HS1BP3: variants seen among roughly 807,000 people sequenced by gnomAD.
The protein encoded by HS1BP3 is HCLS1-binding protein 3.
HS1BP3 carries 32 observed loss-of-function variants against 33.5 expected under a neutral mutation model. The observed-to-expected ratio is 0.95, with a 90% CI of 0.72 to 1.28. HS1BP3 has a LOEUF of 1.28. Ranked by LOEUF, HS1BP3 falls within the 50% of genes most tolerant of loss-of-function variation. The pLI is 0.00. For missense variants in HS1BP3, 486 were observed against 502.3 expected (o/e 0.97, Z 0.31); for synonymous variants, 187 against 209.2 (o/e 0.89, Z 0.92).
chr2:20,596,334 A>G (rs1258296593), intron 3 of HS1BP3, among the ~76,000 whole-genome samples: 1 of 152,226 alleles, frequency 6.6e-6, no homozygotes, highest in African/African-American at 2.4e-5. Context: ...GATTCTATTC[A>G]TCTGCTCAAA....
At chr2:20,650,672 G>C (rs1284705916) in intron 1 of HS1BP3, among the ~76,000 whole-genome samples, 2 of 152,194 alleles carry the variant, frequency 1.3e-5, no homozygotes, top group East Asian at 1.9e-4. Context: ...TGGGACTCAG[G>C]GAGCTCTGAA....
intron 2 of HS1BP3, among the ~76,000 whole-genome samples, chr2:20,641,421 G>A (rs1695346372): frequency 6.6e-6 from 1 of 152,152 alleles, no homozygotes; most frequent in African/African-American, 2.4e-5. Context: ...GTGCCATTCT[G>A]GACACTGTCA....
chr2:20,609,927 A>T (rs563541738), intron 2 of HS1BP3, among the ~76,000 whole-genome samples: 2 of 152,214 alleles, frequency 1.3e-5, no homozygotes, highest in African/African-American at 4.8e-5. Flanking sequence ...GAGCCCAGGT[A>T]CCCTGGGGAC....
chr2:20,635,089 G>A (rs1040412735), intron 4 of HS1BP3: 1 of 152,242 alleles, frequency 6.6e-6, no homozygotes, highest in Admixed American at 6.5e-5. Flanking sequence ...TCCCAACAGA[G>A]GGGCTTCAGC....
At chr2:20,567,208 A>C (rs938732864) in intron 5 of HS1BP3, among the ~76,000 whole-genome samples, 6 of 151,954 alleles carry the variant, frequency 3.9e-5, no homozygotes, top group African/African-American at 1.5e-4. Context: ...CATCCTTAGT[A>C]AGTGGCAGCA....
chr2:20,634,975 T>A (rs549284698), intron 4 of HS1BP3: 70 of 149,086 alleles, frequency 4.7e-4, no homozygotes, highest in African/African-American at 1.6e-3. Context: ...CTGTGAGTCC[T>A]CAGGGACCCA....
the HS1BP3 span, among the ~76,000 whole-genome samples, chr2:20,554,196 T>C: frequency 6.6e-6 from 1 of 152,200 alleles, no homozygotes; most frequent in African/African-American, 2.4e-5. Context: ...CTGTTCGTCA[T>C]ACAACACCCT....
intron 4 of HS1BP3, among the ~76,000 whole-genome samples, chr2:20,628,978 A>G (rs1284109729): frequency 6.6e-6 from 1 of 152,202 alleles, no homozygotes; most frequent in Non-Finnish European, 1.5e-5. Flanking sequence ...CTCATGGTCC[A>G]TAGAAGAAAT....
chr2:20,627,434 A>C (rs1694822322), intron 4 of HS1BP3, among the ~76,000 whole-genome samples: 1 of 152,232 alleles, frequency 6.6e-6, no homozygotes, highest in Non-Finnish European at 1.5e-5. Flanking sequence ...CATCTGAGGA[A>C]CAAGGGAAGC....
At chr2:20,620,571 C>G (rs180871482) in intron 6 of HS1BP3, among the ~76,000 whole-genome samples, 1 of 152,182 alleles carries the variant, frequency 6.6e-6, no homozygotes, top group Admixed American at 6.5e-5. Context: ...CGGAACTGTA[C>G]ACAGAAGCAC....
chr2:20,614,437 G>A (rs1694377057), downstream of HS1BP3, among the ~76,000 whole-genome samples: 1 of 152,238 alleles, frequency 6.6e-6, no homozygotes, highest in Non-Finnish European at 1.5e-5. Flanking sequence ...AGAGAGGGCC[G>A]CATGGAGGAG....
At chr2:20,577,729 G>T (rs985840866) in intron 5 of HS1BP3, among the ~76,000 whole-genome samples, 12 of 152,186 alleles carry the variant, frequency 7.9e-5, no homozygotes, top group Non-Finnish European at 1.8e-4. Context: ...AGCTGGAATT[G>T]CCAGGCCTCT....
Position 20,648,067 on chromosome 2 carries a change from C to T in HS1BP3, c.33-2562G>A, listed in dbSNP as rs370410104. ...GGCTGCTCCTAAGGCCAACCTTCTA[C>T]CAGGGCAGCGGCTCCGAGGCCCTCC... On this transcript the variant is annotated intron_variant, in intron 1 of 6. Transcript: ENST00000304031. 3.9e-5 allele frequency among the ~76,000 whole-genome samples: 6 copies of T among 152,224 alleles called. No homozygotes were observed. The East Asian group carries it at 7.7e-4, about 20-fold the overall frequency.
intron 5 of HS1BP3, among the ~76,000 whole-genome samples, chr2:20,576,861 G>A (rs543377793): frequency 9.9e-5 from 15 of 152,210 alleles, no homozygotes; most frequent in African/African-American, 2.7e-4. Context: ...TTTCGGTTAC[G>A]TATAGAAGCA....
At chr2:20,647,253 C>T (rs1695547433) in intron 1 of HS1BP3, among the ~76,000 whole-genome samples, 2 of 152,196 alleles carry the variant, frequency 1.3e-5, no homozygotes, top group Non-Finnish European at 2.9e-5. Flanking sequence ...TTCCAGGGTC[C>T]CATTCCATTG....
chr2:20,567,039 G>A (rs951175733), intron 5 of HS1BP3, among the ~76,000 whole-genome samples: 4 of 152,062 alleles, frequency 2.6e-5, no homozygotes, highest in Admixed American at 6.5e-5. Flanking sequence ...TGGAAGTCAC[G>A]GGTATTGGGT....
rs373367662 is a variant in HS1BP3, at chr2:20,625,616, C to G, written c.624-724G>C. Reference sequence around the variant, plus strand: ...GTTCTGTGGAGCAGCCCCCCTCTTTCAGGAAGCCTCTCTGGGACTTGCCCA... The same window carrying G: ...GTTCTGTGGAGCAGCCCCCCTCTTTGAGGAAGCCTCTCTGGGACTTGCCCA... On this transcript the variant is annotated intron_variant, in intron 4 of 6. Transcript: ENST00000304031. Among the ~76,000 whole-genome samples the G allele has an allele frequency of 5.5e-4, 84 of 152,300 alleles. 2 individuals are homozygous for G. The South Asian group carries it at 0.017, about 31-fold the overall frequency.
At chr2:20,621,079 G>A (rs1694584039) in intron 6 of HS1BP3, among the ~76,000 whole-genome samples, 1 of 152,254 alleles carries the variant, frequency 6.6e-6, no homozygotes, top group African/African-American at 2.4e-5. Context: ...AGGTGGGAAT[G>A]AGAATGAACA....
chr2:20,632,498 G>A (rs560655710), intron 4 of HS1BP3, among the ~76,000 whole-genome samples: 1 of 152,356 alleles, frequency 6.6e-6, no homozygotes, highest in East Asian at 1.9e-4. Flanking sequence ...GCAGTCAGGA[G>A]ACCCCCAGCT....
Sources: gnomAD v4.1 joint callset for allele counts (sites outside exome capture counted in the v4.1 genomes callset) on GRCh38, gnomAD v4.1.1 for gene constraint, MANE v1.5 for transcripts, NCBI Gene and HGNC (gene_info 2026-07-23, HGNC 2026-07-21) for gene names.